The following TESK2 variants were observed in gnomAD, a reference collection of about 807,000 sequenced individuals.
The protein encoded by TESK2 is testis associated actin remodelling kinase 2, also known as dual specificity testis-specific protein kinase 2.
In TESK2, 39 loss-of-function variants were observed where a neutral mutation model predicts 57.1. The observed-to-expected ratio is 0.68, with a 90% CI of 0.53 to 0.89. The LOEUF (loss-of-function observed/expected upper bound fraction) is 0.89, where lower values mean the gene tolerates loss of function less well. TESK2 is among the 40% of genes least tolerant of loss of function. The pLI is 0.00. For synonymous variants in TESK2, 249 were observed against 267.9 expected (o/e 0.93, Z 0.69); for missense variants, 646 against 732.1 (o/e 0.88, Z 1.36).
intron 2 of TESK2, among the ~76,000 whole-genome samples, chr1:45,438,386 C>CT (rs1346243985): frequency 6.6e-6 from 1 of 152,110 alleles, no homozygotes; most frequent in Non-Finnish European, 1.5e-5. Flanking sequence ...ATCCCAGCTA[C>CT]TTGGGAGGCT....
chr1:45,486,820 T>C (rs202219054), intron 1 of TESK2, among the ~76,000 whole-genome samples: 1,831 of 31,082 alleles, frequency 0.059, 50 homozygotes, highest in East Asian at 0.43. Context: ...CACACACACA[T>C]ATATACATTT....
chr1:45,431,892 C>T (rs1650980758), intron 2 of TESK2, among the ~76,000 whole-genome samples: 1 of 152,066 alleles, frequency 6.6e-6, no homozygotes, highest in Non-Finnish European at 1.5e-5. Flanking sequence ...CTGGTGGGTA[C>T]ATGTTAAGGA....
rs61097907 is a variant in TESK2, at chr1:45,465,451, TGGAAGGAA to T, written c.-86-7588_-86-7581del. ...GAGAGAGAGAGAAAGAGAAAAGAGA[TGGAAGGAA>T]GGAAGGAAGGAAGGAAGGAAAAAAG... is the stretch of plus-strand genomic sequence containing the variant. On this transcript the variant is annotated intron_variant, in intron 1 of 10. Transcript: ENST00000372086. Among the ~76,000 whole-genome samples the T allele has an allele frequency of 2.9e-3, 306 of 104,520 alleles. 3 individuals carry two copies. Among genetic ancestry groups the T allele is most frequent in the East Asian group, 0.019 (67 of 3,582 alleles). 68.6% of individuals were successfully genotyped at this position (104,520 alleles called of 152,430 possible). A position where few individuals can be genotyped will look rare whatever the true frequency, so the allele number is the denominator to read the frequency against.
At chr1:45,455,323 C>G (rs559251569) in intron 2 of TESK2, among the ~76,000 whole-genome samples, 93 of 152,320 alleles carry the variant, frequency 6.1e-4, no homozygotes, top group South Asian at 1.2e-3. Flanking sequence ...CACAGAGGAA[C>G]GGGATCTGCA....
intron 1 of TESK2, among the ~76,000 whole-genome samples, chr1:45,460,186 A>G (rs1271485190): frequency 6.6e-6 from 1 of 152,028 alleles, no homozygotes; most frequent in Non-Finnish European, 1.5e-5. Context: ...ACCTGCACAC[A>G]TACCTCCTGA....
In TESK2 at chr1:45,352,036, T is replaced by G. The variant is rs531968151; in HGVS notation, c.540+3267A>C. On this transcript the variant is annotated intron_variant, in intron 5 of 10. Transcript: ENST00000372086. ...AGACCCAAGATGGACTATGAAGAGA[T>G]AATTTGGAAACCTCCGAGCCCTCTA... 2.0e-5 allele frequency among the ~76,000 whole-genome samples: 3 copies of G among 152,190 alleles called. No individual in the cohort carries two copies. In the East Asian group the frequency reaches 5.8e-4, roughly 29 times the overall value.
intron 2 of TESK2, among the ~76,000 whole-genome samples, chr1:45,449,106 C>T (rs1180731223): frequency 2.0e-5 from 3 of 151,536 alleles, no homozygotes; most frequent in Non-Finnish European, 4.4e-5. Flanking sequence ...ATCTGTAATC[C>T]CAGCTACTCA....
intron 6 of TESK2, 96 bp from the exon 7 acceptor site, chr1:45,347,789 G>A: frequency 4.1e-6 from 6 of 1,477,268 alleles, no homozygotes; most frequent in Non-Finnish European, 5.7e-6. Context: ...GTACAGACGA[G>A]GACTAAACAA....
Position 45,345,394 on chromosome 1 carries a change from G to A in TESK2, c.1162C>T (p.Arg388Trp), listed in dbSNP as rs1647126466. ...GTGCGGGCAGCACCATCTCGTGGCC[G>A]GTAGTATGGGTCCAAGACACTCACT... ...RTVSVLDPYY[R>W]PRDGAARTPK... The change falls in exon 11 of 11, where the codon CGG (arginine) becomes TGG (tryptophan). Residue 388 changes from arginine (R) to tryptophan (W), a missense_variant. Transcript: ENST00000372086. The A allele has an allele frequency of 3.1e-6, 5 of 1,614,082 alleles. No individual in the cohort carries two copies. The South Asian group carries it at 3.3e-5, about 11-fold the overall frequency.
chr1:45,367,994 A>ATT (rs879353372), intron 4 of TESK2, among the ~76,000 whole-genome samples: 9 of 107,076 alleles, frequency 8.4e-5, no homozygotes, highest in Non-Finnish European at 1.0e-4. Flanking sequence ...GACCATTGAA[A>ATT]TTTTTTTTTT....
rs559055179 is a variant in TESK2 at position 45,464,046 on chromosome 1, A to AT, written c.-86-6176dup. Among the ~76,000 whole-genome samples, 30 of 151,658 alleles carry AT rather than the reference A, an allele frequency of 2.0e-4. No individual in the cohort carries two copies. In the South Asian group the frequency reaches 5.2e-3, roughly 26 times the overall value. On this transcript the variant is annotated intron_variant, in intron 1 of 10. Coordinates refer to ENST00000372086, the MANE Select transcript of TESK2 (RefSeq NM_007170.3). The stretch of plus-strand genomic sequence containing the variant: ...TCTTTTGTGGTTCTAAAATTTGAGG[A>AT]TTTTTTTTCTATTTCTGTGAAGAGT...
intron 1 of TESK2, among the ~76,000 whole-genome samples, chr1:45,479,133 G>A (rs1222251157): frequency 6.6e-6 from 1 of 151,482 alleles, no homozygotes; most frequent in Non-Finnish European, 1.5e-5. Flanking sequence ...TTTTATAATC[G>A]CCAAAAAAAT....
intron 2 of TESK2, among the ~76,000 whole-genome samples, chr1:45,438,014 C>A (rs1651300530): frequency 6.6e-6 from 1 of 152,182 alleles, no homozygotes; most frequent in Non-Finnish European, 1.5e-5. Context: ...CTCAGTCACC[C>A]AATGACTCTG....
intron 3 of TESK2, chr1:45,398,983 G>GAAAAAAAAAAAAAAAAAAAAAAA: frequency 4.3e-6 from 1 of 234,526 alleles, no homozygotes. Context: ...ACTAGGACCT[G>GAAAAAAAAAAAAAAAAAAAAAAA]AAAAAAAAAA....
At chr1:45,447,578 C>CT (rs58869570) in intron 2 of TESK2, among the ~76,000 whole-genome samples, 48,691 of 149,528 alleles carry the variant, frequency 0.33, 8,702 homozygotes, top group African/African-American at 0.49. Context: ...TTGCAGTTAA[C>CT]TTTTTTTTTT....
At chr1:45,365,586 T>A (rs959769207) in intron 4 of TESK2, among the ~76,000 whole-genome samples, 3 of 152,010 alleles carry the variant, frequency 2.0e-5, no homozygotes, top group Non-Finnish European at 4.4e-5. Flanking sequence ...TGATCTCAGC[T>A]CGTTGCAACC....
At chr1:45,404,828 C>A (rs1165951339) in intron 3 of TESK2, among the ~76,000 whole-genome samples, 1 of 152,022 alleles carries the variant, frequency 6.6e-6, no homozygotes, top group Non-Finnish European at 1.5e-5. Context: ...CAGGCCTGAG[C>A]CACCACACCA....
intron 2 of TESK2, among the ~76,000 whole-genome samples, chr1:45,427,880 A>G (rs1650768601): frequency 6.6e-6 from 1 of 152,194 alleles, no homozygotes; most frequent in Non-Finnish European, 1.5e-5. Context: ...ATTTAATTGT[A>G]TATTTTAAAA....
At chr1:45,489,497 ACCT>A (rs1653628461) in intron 1 of TESK2, among the ~76,000 whole-genome samples, 1 of 152,076 alleles carries the variant, frequency 6.6e-6, no homozygotes. Context: ...ATTTCAAAAC[ACCT>A]CAAACTCGGC....
Sources: gnomAD v4.1 joint callset for allele counts (sites outside exome capture counted in the v4.1 genomes callset) on GRCh38, gnomAD v4.1.1 for gene constraint, MANE v1.5 for transcripts, NCBI Gene and HGNC (gene_info 2026-07-23, HGNC 2026-07-21) for gene names.